DDI2: variants seen among roughly 807,000 people sequenced by gnomAD.
DDI2 encodes DDI proteasomal shuttling factor 2, also known as protein DDI1 homolog 2.
A neutral mutation model predicts 48.1 loss-of-function variants in DDI2; 5 were observed. The ratio of observed to expected loss-of-function variants is 0.10; its 90% CI spans 0.05 to 0.22. The LOEUF (loss-of-function observed/expected upper bound fraction) is 0.22, where lower values mean the gene tolerates loss of function less well. Ranked by LOEUF, DDI2 falls within the 10% of genes least tolerant of loss-of-function variation. The probability of loss-of-function intolerance (pLI) is 1.00; values close to 1 mark genes in which losing one functional copy is unlikely to be tolerated. For synonymous variants in DDI2, 205 were observed against 183.6 expected, an observed-to-expected ratio of 1.12 and a Z score of -0.94; for missense variants, 285 against 506.2, an observed-to-expected ratio of 0.56 and a Z score of 4.19.
At chr1:15,640,272 A>G (rs1032223148) in intron 5 of DDI2, among the ~76,000 whole-genome samples, 1 of 152,142 alleles carries the variant, frequency 6.6e-6, no homozygotes, top group Non-Finnish European at 1.5e-5. Flanking sequence ...GGTGCTTAAT[A>G]TAATCATCTT....
At chr1:15,627,322 C>A (rs1481930486) in intron 2 of DDI2, among the ~76,000 whole-genome samples, 1 of 152,170 alleles carries the variant, frequency 6.6e-6, no homozygotes, top group Non-Finnish European at 1.5e-5. Flanking sequence ...TAAATGGTGT[C>A]TTTAAAGTTA....
chr1:15,667,683 AT>A lies in DDI2; in HGVS notation c.*7899del, dbSNP rs1465193332. On this transcript the variant is annotated 3_prime_UTR_variant, in exon 10 of 10. Transcript: ENST00000480945. ...TACAGGACAGCTTCATCAAAGGGAC[AT>A]TTTTTAACCTGTTATTTTAAATGCC... 1 of 152,226 alleles carries A rather than the reference AT, an allele frequency of 6.6e-6. No homozygotes were observed. The highest frequency in any genetic ancestry group is 1.9e-4 in the East Asian group (1 of 5,196). The allele number at this position is 152,226 out of a possible 1,614,324, so 9.4% of individuals were successfully genotyped here.
intron 5 of DDI2, among the ~76,000 whole-genome samples, chr1:15,639,469 C>G (rs1310080751): frequency 6.6e-6 from 1 of 152,006 alleles, no homozygotes; most frequent in Non-Finnish European, 1.5e-5. Flanking sequence ...GGTTTCAGCT[C>G]TCTCTCTCTC....
intron 7 of DDI2, among the ~76,000 whole-genome samples, chr1:15,651,327 G>A (rs1465514771): frequency 6.6e-6 from 1 of 152,154 alleles, no homozygotes; most frequent in African/African-American, 2.4e-5. Flanking sequence ...CACAAAAAAG[G>A]AAGTTAGCAT....
intron 9 of DDI2, 129 bp downstream of exon 9, chr1:15,656,808 T>A: frequency 7.8e-7 from 1 of 1,282,858 alleles, no homozygotes; most frequent in Non-Finnish European, 1.1e-6. Context: ...TGGTTACAAC[T>A]AGCCTATATG....
intron 4 of DDI2, among the ~76,000 whole-genome samples, chr1:15,637,192 T>TA (rs1639943030): frequency 6.6e-6 from 1 of 152,148 alleles, no homozygotes; most frequent in Non-Finnish European, 1.5e-5. Flanking sequence ...GTGTAAGAAT[T>TA]AGAGTTGTGT....
At chr1:15,654,860 C>A (rs1438878068) in intron 8 of DDI2, among the ~76,000 whole-genome samples, 1 of 151,520 alleles carries the variant, frequency 6.6e-6, no homozygotes, top group African/African-American at 2.4e-5. Flanking sequence ...CAAGGTTTTG[C>A]ATTTGGGGTG....
At chr1:15,647,257 C>T (rs934206692) in intron 6 of DDI2, among the ~76,000 whole-genome samples, 1 of 151,816 alleles carries the variant, frequency 6.6e-6, no homozygotes, top group South Asian at 2.1e-4. Context: ...AAGTGATTCT[C>T]CTGCCTCAGC....
At chr1:15,623,323 G>T (rs182317476) in intron 1 of DDI2, among the ~76,000 whole-genome samples, 1 of 149,874 alleles carries the variant, frequency 6.7e-6, no homozygotes, top group East Asian at 2.0e-4. Flanking sequence ...CGGGAAAGCT[G>T]TATATGATAC....
chr1:15,652,775 A>G (rs889651830), intron 8 of DDI2, among the ~76,000 whole-genome samples: 14 of 152,018 alleles, frequency 9.2e-5, no homozygotes, highest in African/African-American at 2.7e-4. Context: ...GTGAGCTGAG[A>G]TCGCACCACT....
At chr1:15,655,675 G>A (rs957743739) in intron 8 of DDI2, among the ~76,000 whole-genome samples, 1 of 151,104 alleles carries the variant, frequency 6.6e-6, no homozygotes, top group Non-Finnish European at 1.5e-5. Context: ...ATTGCTTGAA[G>A]CCGGGAAGCA....
Position 15,649,756 on chromosome 1 carries a change from C to A in DDI2, c.926C>A (p.Ser309Tyr). ...ATTGAAGGAGATTTTTTGCCATGTT[C>A]CTTCTCTATACTTGAGGAACAGCCC... ...VQIEGDFLPC[S>Y]FSILEEQPMD... The change falls in exon 7 of 10, where the codon TCC becomes TAC. Residue 309 changes from serine (S) to tyrosine (Y), a missense_variant. Physicochemically the swap from Ser to Tyr is moderately radical, Grantham distance 144. Transcript: ENST00000480945. 1 of 1,613,454 alleles carries A rather than the reference C, an allele frequency of 6.2e-7. No homozygotes were observed. Among genetic ancestry groups the A allele is most frequent in the South Asian group, 1.1e-5 (1 of 90,970 alleles).
At position 15,619,377 on chromosome 1, in the gene DDI2, C is replaced by T. The variant is rs149235923; in HGVS notation, c.138+1569C>T. The stretch of plus-strand genomic sequence containing the variant: ...CTGACCTCTAGTGATCTGCCCGCCT[C>T]GGCCTCCCAAAATGCTGCGATTACA... On this transcript the variant is annotated intron_variant, in intron 1 of 9. Transcript: ENST00000480945. Among the ~76,000 whole-genome samples the T allele has an allele frequency of 2.4e-4, 37 of 152,136 alleles. 1 individual carries two copies. In the East Asian group the frequency reaches 7.0e-3, roughly 29 times the overall value.
At chr1:15,627,942 A>AAAGAAGTTAAAACTTCTTTCTG (rs750805438) in intron 2 of DDI2, among the ~76,000 whole-genome samples, 6 of 152,218 alleles carry the variant, frequency 3.9e-5, no homozygotes, top group South Asian at 2.1e-4. Flanking sequence ...TAAACTTTAG[A>AAAGAAGTTAAAACTTCTTTCTG]AAGAAGTTAA....
rs1017815032 is a variant in DDI2, at chr1:15,665,421, C to T, written c.*5631C>T. 2.0e-5 allele frequency: 3 copies of T among 152,062 alleles called. No individual in the cohort carries two copies. Among genetic ancestry groups the T allele is most frequent in the African/African-American group, 7.2e-5 (3 of 41,394 alleles). The allele number at this position is 152,062 out of a possible 1,614,324, so 9.4% of individuals were successfully genotyped here. On this transcript the variant is annotated 3_prime_UTR_variant, in exon 10 of 10. Coordinates refer to ENST00000480945, the MANE Select transcript of DDI2 (RefSeq NM_032341.5). ...AGACACAACCCTATGTGTTTTTTCC[C>T]AAAGCATGTCTCTAGCAAGAGGGTA... is the stretch of plus-strand genomic sequence containing the variant.
chr1:15,647,429 G>A (rs531976796), intron 6 of DDI2, among the ~76,000 whole-genome samples: 2 of 152,194 alleles, frequency 1.3e-5, no homozygotes, highest in South Asian at 4.1e-4. Context: ...GATTACAGGC[G>A]TGAGCTGCTG....
At chr1:15,642,977 G>A (rs1486778165) in intron 5 of DDI2, among the ~76,000 whole-genome samples, 1 of 152,218 alleles carries the variant, frequency 6.6e-6, no homozygotes, top group Non-Finnish European at 1.5e-5. Context: ...TGAGGCAGGA[G>A]AATGGTGTGA....
chr1:15,658,492 GT>G (rs76157837), intron 9 of DDI2, among the ~76,000 whole-genome samples: 47,136 of 151,208 alleles, frequency 0.31, 8,039 homozygotes, highest in African/African-American at 0.43. Flanking sequence ...GTCGGGTGCG[GT>G]GGCTCTTGCC....
At chr1:15,652,860 A>T (rs1640213704) in intron 8 of DDI2, among the ~76,000 whole-genome samples, 1 of 151,612 alleles carries the variant, frequency 6.6e-6, no homozygotes, top group Non-Finnish European at 1.5e-5. Flanking sequence ...AAAAATTAGC[A>T]GGGTGCAGTG....
Sources: allele counts gnomAD v4.1 joint callset (sites outside exome capture counted in the v4.1 genomes callset), GRCh38; gene constraint gnomAD v4.1.1; transcripts MANE v1.5; gene names NCBI Gene and HGNC (gene_info 2026-07-23, HGNC 2026-07-21).